Variants in EXOC6B observed in about 807,000 individuals in gnomAD.
The protein encoded by EXOC6B is SEC15 homolog B.
A neutral mutation model predicts 113.5 loss-of-function variants in EXOC6B; 54 were observed. That is an observed-to-expected ratio of 0.48 (90% CI 0.38 to 0.60). EXOC6B has a LOEUF of 0.60. Ranked by LOEUF, EXOC6B falls within the 20% of genes least tolerant of loss-of-function variation. The pLI is 0.00. For synonymous variants in EXOC6B, 357 were observed against 339.0 expected (o/e 1.05, Z -0.58); for missense variants, 797 against 977.5 (o/e 0.82, Z 2.46).
At chr2:72,668,145 A>G (rs1558899006) in intron 6 of EXOC6B, among the ~76,000 whole-genome samples, 1 of 152,236 alleles carries the variant, frequency 6.6e-6, no homozygotes, top group Non-Finnish European at 1.5e-5. Context: ...ACAGAAATGC[A>G]AATCACACAA....
At chr2:72,215,156 A>G (rs1680443014) in intron 20 of EXOC6B, among the ~76,000 whole-genome samples, 1 of 152,152 alleles carries the variant, frequency 6.6e-6, no homozygotes, top group Non-Finnish European at 1.5e-5. Flanking sequence ...TTGCCTACTT[A>G]AGGGACACTT....
intron 19 of EXOC6B, among the ~76,000 whole-genome samples, chr2:72,342,398 A>G (rs1389690581): frequency 6.6e-6 from 1 of 152,124 alleles, no homozygotes; most frequent in Non-Finnish European, 1.5e-5. Flanking sequence ...TTTTTCCAAA[A>G]AAGACATACA....
At chr2:72,740,661 T>C (rs556177019) in intron 2 of EXOC6B, among the ~76,000 whole-genome samples, 250 of 152,310 alleles carry the variant, frequency 1.6e-3, no homozygotes, top group African/African-American at 5.9e-3. Context: ...AGCAATGCCT[T>C]GAAATTCTAT....
intron 8 of EXOC6B, among the ~76,000 whole-genome samples, chr2:72,558,079 C>A (rs1267311912): frequency 6.6e-6 from 1 of 151,492 alleles, no homozygotes; most frequent in Non-Finnish European, 1.5e-5. Flanking sequence ...GCTGCTACTG[C>A]AATATTAAAT....
intron 6 of EXOC6B, among the ~76,000 whole-genome samples, chr2:72,643,780 TA>T (rs202054591): frequency 5.7e-5 from 8 of 139,626 alleles, no homozygotes; most frequent in African/African-American, 1.3e-4. Flanking sequence ...AAAATAAATT[TA>T]AAAAAAAAGA....
At chr2:72,302,059 A>T (rs57270251) in intron 20 of EXOC6B, among the ~76,000 whole-genome samples, 1 of 152,040 alleles carries the variant, frequency 6.6e-6, no homozygotes, top group African/African-American at 2.4e-5. Flanking sequence ...ATTAGCTTCA[A>T]ATAAATTCTT....
intron 19 of EXOC6B, among the ~76,000 whole-genome samples, chr2:72,370,876 G>T (rs183237793): frequency 2.7e-5 from 4 of 150,200 alleles, no homozygotes; most frequent in East Asian, 2.0e-4. Flanking sequence ...GTGATGGGAG[G>T]GGGGAGGGAT....
At position 72,825,896 on chromosome 2, in the gene EXOC6B, C is replaced by A. The variant is rs773217964; in HGVS notation, c.15G>T (p.Lys5Asn). 1 of 1,613,154 alleles carries A rather than the reference C, an allele frequency of 6.2e-7. No homozygotes were observed. Among genetic ancestry groups the A allele is most frequent in the Non-Finnish European group, 8.5e-7 (1 of 1,179,678 alleles). The change falls in exon 1 of 22, where the codon AAG (lysine) becomes AAT (asparagine). Residue 5 changes from lysine (K) to asparagine (N), a missense_variant. Physicochemically the swap from Lys to Asn is moderately conservative, Grantham distance 94 (BLOSUM62 0). Transcript: ENST00000272427. This position sits in a 1 kb window ranked among gnomAD's most constrained non-coding sequence, Gnocchi z 4.4. MERG[K>N]MAEAESLETA... is the part of the protein sequence containing the mutation. ...TCTCCAGGCTCTCCGCCTCCGCCAT[C>A]TTACCCCGCTCCATAGACTGGGGGC...
rs561709105 is a variant in EXOC6B at position 72,625,074 on chromosome 2, G to A, written c.670-49406C>T. Among the ~76,000 whole-genome samples, 179 of 143,742 alleles carry A rather than the reference G, an allele frequency of 1.2e-3. 4 individuals carry two copies. The highest frequency in any genetic ancestry group is 6.3e-3 in the Admixed American group (90 of 14,302). 94.3% of individuals were successfully genotyped at this position (143,742 alleles called of 152,430 possible). A position where few individuals can be genotyped will look rare whatever the true frequency, so the allele number is the denominator to read the frequency against. ...TATAGAAGTTTTTTTTTGGGGGGGG[G>A]GTGGGTTGTTTTGTTTTGTTTTTTG... On this transcript the variant is annotated intron_variant, in intron 6 of 21. Coordinates refer to ENST00000272427, the MANE Select transcript of EXOC6B (RefSeq NM_015189.3).
intron 7 of EXOC6B, among the ~76,000 whole-genome samples, chr2:72,559,994 C>T (rs549767356): frequency 5.3e-5 from 8 of 152,036 alleles, no homozygotes; most frequent in Non-Finnish European, 8.8e-5. Flanking sequence ...CACAAGAATT[C>T]GTCAATACTT....
chr2:72,561,136 A>G (rs1703865455), intron 7 of EXOC6B, among the ~76,000 whole-genome samples: 1 of 152,076 alleles, frequency 6.6e-6, no homozygotes, highest in Non-Finnish European at 1.5e-5. Flanking sequence ...AGAAAACCAG[A>G]GTCTATTTTA....
intron 7 of EXOC6B, 39 bp from the exon 8 acceptor site, chr2:72,559,560 G>T (rs1170262337): frequency 3.9e-6 from 6 of 1,539,540 alleles, no homozygotes; most frequent in Non-Finnish European, 5.4e-6. Context: ...TTCAAACAAA[G>T]CTATTAAAAG....
chr2:72,611,740 A>G (rs1382586016), intron 6 of EXOC6B, among the ~76,000 whole-genome samples: 2 of 152,212 alleles, frequency 1.3e-5, no homozygotes, highest in Non-Finnish European at 2.9e-5. Context: ...CTAAATGTTT[A>G]ACAGTAGGAG....
rs147942725 is a variant in EXOC6B, at chr2:72,457,668, T to C, written c.1980+7492A>G. Among the ~76,000 whole-genome samples, 1,150 of 152,188 alleles carry C rather than the reference T, an allele frequency of 7.6e-3. 17 individuals are homozygous for C. Among genetic ancestry groups the C allele is most frequent in the African/African-American group, 0.025 (1,044 of 41,538 alleles). On this transcript the variant is annotated intron_variant, in intron 18 of 21. Coordinates refer to ENST00000272427, the MANE Select transcript of EXOC6B (RefSeq NM_015189.3). ...ACGCTGAGCATGCAAAATGGGTAACTGTGTATGCAATTGTAAATTATACAA... is the reference window on the plus strand; with the variant it reads ...ACGCTGAGCATGCAAAATGGGTAACCGTGTATGCAATTGTAAATTATACAA...
At chr2:72,245,355 T>C (rs375966950) in intron 20 of EXOC6B, among the ~76,000 whole-genome samples, 2 of 152,256 alleles carry the variant, frequency 1.3e-5, no homozygotes, top group African/African-American at 4.8e-5. Context: ...GAACTGTATA[T>C]AGACAAACAA....
intron 18 of EXOC6B, among the ~76,000 whole-genome samples, chr2:72,392,548 T>C (rs1287622980): frequency 6.6e-6 from 1 of 152,230 alleles, no homozygotes; most frequent in African/African-American, 2.4e-5. Context: ...CTAACATCAA[T>C]ATCCGGATCA....
At chr2:72,773,693 A>G (rs1301822414) in intron 1 of EXOC6B, among the ~76,000 whole-genome samples, 1 of 152,172 alleles carries the variant, frequency 6.6e-6, no homozygotes, top group Non-Finnish European at 1.5e-5. Flanking sequence ...TTATACAAAT[A>G]AAAAACAAAT....
At chr2:72,544,327 C>G (rs1464612125) in intron 8 of EXOC6B, among the ~76,000 whole-genome samples, 1 of 152,044 alleles carries the variant, frequency 6.6e-6, no homozygotes, top group East Asian at 1.9e-4. Flanking sequence ...CTCAGGAAAG[C>G]TTTTCCACTA....
At chr2:72,596,791 C>A (rs557464691) in intron 6 of EXOC6B, among the ~76,000 whole-genome samples, 1 of 151,544 alleles carries the variant, frequency 6.6e-6, no homozygotes, top group South Asian at 2.1e-4. Flanking sequence ...AAAGGAGCTA[C>A]TAGGGAAAGC....
Sources: gnomAD v4.1 joint callset for allele counts (sites outside exome capture counted in the v4.1 genomes callset) on GRCh38, gnomAD v4.1.1 for gene constraint, Gnocchi (gnomAD v3.1) non-coding constraint, MANE v1.5 for transcripts, NCBI Gene and HGNC (gene_info 2026-07-23, HGNC 2026-07-21) for gene names.